Variants in TMEM182 observed in about 807,000 individuals in gnomAD.
TMEM182 encodes the protein transmembrane protein 182.
Under a neutral mutation model 26.8 loss-of-function variants are expected in TMEM182, and 20 were observed. The ratio of observed to expected loss-of-function variants is 0.75; its 90% CI spans 0.53 to 1.09. The LOEUF (loss-of-function observed/expected upper bound fraction) is 1.09, where lower values mean the gene tolerates loss of function less well. Ranked by LOEUF, TMEM182 falls within the 50% of genes least tolerant of loss-of-function variation. The pLI is 0.00. For missense variants in TMEM182, 277 were observed against 275.5 expected (o/e 1.01, Z -0.04); for synonymous variants, 109 against 102.2 (o/e 1.07, Z -0.40).
At chr2:102,763,334 GAATTA>G (rs1337512021) in intron 2 of TMEM182, among the ~76,000 whole-genome samples, 19 of 152,112 alleles carry the variant, frequency 1.2e-4, no homozygotes, top group African/African-American at 4.3e-4. Context: ...TCTTTATATT[GAATTA>G]ATCTTTGAAA....
At position 102,800,505 on chromosome 2, in the gene TMEM182, A is replaced by T. The variant is rs1253516711; in HGVS notation, c.469+2505A>T. 2.0e-5 allele frequency among the ~76,000 whole-genome samples: 3 copies of T among 152,246 alleles called. No homozygotes were observed. The East Asian group carries it at 5.8e-4, about 29-fold the overall frequency. On this transcript the variant is annotated intron_variant, in intron 4 of 4. Coordinates refer to ENST00000412401, the MANE Select transcript of TMEM182 (RefSeq NM_144632.5). Reference sequence around the variant, plus strand: ...ATCCTTATATCCCTTAAAACTGAGCATCTTCTTGGCCAAAAAAATTTTTCT... The same window carrying T: ...ATCCTTATATCCCTTAAAACTGAGCTTCTTCTTGGCCAAAAAAATTTTTCT...
chr2:102,801,923 A>G (rs1338485473), intron 4 of TMEM182, among the ~76,000 whole-genome samples: 1 of 152,016 alleles, frequency 6.6e-6, no homozygotes, highest in Non-Finnish European at 1.5e-5. Context: ...GCACAACTCT[A>G]CATTGTTTGT....
intron 3 of TMEM182, among the ~76,000 whole-genome samples, chr2:102,794,851 A>G (rs1201287860): frequency 6.6e-6 from 1 of 152,130 alleles, no homozygotes; most frequent in Non-Finnish European, 1.5e-5. Context: ...ACATTTGGAA[A>G]GTTTTCAGGC....
Position 102,743,055 on chromosome 2 carries a change from T to A in TMEM182, c.-83+6042T>A, listed in dbSNP as rs558490459. ...TATTATTAATTGATCTAAAAGATAATGGTTTGTTCAAAGTAATAATGTAAC... is the reference window on the plus strand; with the variant it reads ...TATTATTAATTGATCTAAAAGATAAAGGTTTGTTCAAAGTAATAATGTAAC... On this transcript the variant is annotated intron_variant, in intron 1 of 5. Coordinates refer to the TMEM182 transcript ENST00000409173. 3.9e-5 allele frequency among the ~76,000 whole-genome samples: 6 copies of A among 152,294 alleles called. 1 individual carries two copies. The East Asian group carries it at 1.2e-3, about 29-fold the overall frequency.
chr2:102,831,266 G>A (rs1423881968), intron 3 of TMEM182, among the ~76,000 whole-genome samples: 2 of 152,158 alleles, frequency 1.3e-5, no homozygotes, highest in Non-Finnish European at 2.9e-5. Context: ...TCTCCAAACT[G>A]TTCTCCCTAG....
At chr2:102,769,502 A>G (rs1680590963) in intron 3 of TMEM182, among the ~76,000 whole-genome samples, 2 of 152,264 alleles carry the variant, frequency 1.3e-5, no homozygotes, top group South Asian at 4.1e-4. Flanking sequence ...ATCCTTTTAT[A>G]TGCATATTAT....
At chr2:102,843,381 G>T (rs1683389018) in intron 3 of TMEM182, 1 of 152,144 alleles carries the variant, frequency 6.6e-6, no homozygotes, top group Non-Finnish European at 1.5e-5. Flanking sequence ...AAAACCAGGT[G>T]ACTCTTCTAA....
chr2:102,843,444 T>C (rs772588931), exon 4 of TMEM182: 13 of 152,212 alleles, frequency 8.5e-5, no homozygotes, highest in Non-Finnish European at 1.3e-4. Context: ...CTCAAGCCTC[T>C]CAAAGTCCTT....
At chr2:102,813,649 G>C (rs1682634162) in intron 4 of TMEM182, among the ~76,000 whole-genome samples, 1 of 152,206 alleles carries the variant, frequency 6.6e-6, no homozygotes, top group South Asian at 2.1e-4. Flanking sequence ...GCTCAGCGTA[G>C]TGGCATTGTT....
At chr2:102,840,839 T>G (rs897296486) in intron 3 of TMEM182, among the ~76,000 whole-genome samples, 12 of 152,242 alleles carry the variant, frequency 7.9e-5, no homozygotes, top group African/African-American at 2.9e-4. Flanking sequence ...AAATCTTCAA[T>G]TCACATTATA....
intron 3 of TMEM182, among the ~76,000 whole-genome samples, chr2:102,826,201 G>A (rs1223775182): frequency 6.6e-6 from 1 of 151,906 alleles, no homozygotes; most frequent in Non-Finnish European, 1.5e-5. Flanking sequence ...TGCATCTGAA[G>A]CCTACCCGGA....
At chr2:102,749,549 A>T (rs2104637489) in intron 1 of TMEM182, among the ~76,000 whole-genome samples, 1 of 152,308 alleles carries the variant, frequency 6.6e-6, no homozygotes. Context: ...AAAATCATTG[A>T]CTTCTATACT....
chr2:102,795,056 G>A (rs1681811656), intron 3 of TMEM182, among the ~76,000 whole-genome samples: 1 of 151,856 alleles, frequency 6.6e-6, no homozygotes, highest in Non-Finnish European at 1.5e-5. Context: ...CACTTACTCT[G>A]TCCTCTCTCA....
intron 4 of TMEM182, among the ~76,000 whole-genome samples, chr2:102,802,551 C>T (rs1298886761): frequency 6.6e-6 from 1 of 152,164 alleles, no homozygotes; most frequent in East Asian, 1.9e-4. Context: ...AACGTGGACT[C>T]ACAGAGAACT....
chr2:102,787,721 G>C (rs1047145669), intron 3 of TMEM182, among the ~76,000 whole-genome samples: 2 of 152,208 alleles, frequency 1.3e-5, no homozygotes, highest in Non-Finnish European at 2.9e-5. Context: ...AGATGCAGAG[G>C]GATCAGTGCC....
intron 3 of TMEM182, among the ~76,000 whole-genome samples, chr2:102,788,889 C>T (rs1272623326): frequency 1.3e-5 from 2 of 152,208 alleles, no homozygotes; most frequent in Non-Finnish European, 2.9e-5. Flanking sequence ...CTGGACTTTG[C>T]TTGGCATGTT....
chr2:102,815,179 A>T lies in TMEM182; in HGVS notation c.*211A>T. On this transcript the variant is annotated 3_prime_UTR_variant, in exon 5 of 5. Coordinates refer to ENST00000412401, the MANE Select transcript of TMEM182 (RefSeq NM_144632.5). ...CCTCTATCTTGTCTAAGTGCTGTCA[A>T]GGACCTAGTTCTTTAGGGAATAGGT... 2 of 1,384,168 alleles carry T rather than the reference A, an allele frequency of 1.4e-6. No individual in the cohort carries two copies. The highest frequency in any genetic ancestry group is 1.9e-6 in the Non-Finnish European group (2 of 1,072,538). 85.7% of individuals were successfully genotyped at this position (1,384,168 alleles called of 1,614,324 possible).
chr2:102,788,659 T>C (rs571928760), intron 3 of TMEM182, among the ~76,000 whole-genome samples: 1 of 152,156 alleles, frequency 6.6e-6, no homozygotes, highest in South Asian at 2.1e-4. Context: ...AACATGGGCA[T>C]GTTCTCAACC....
chr2:102,763,374 G>T (rs879433106), intron 2 of TMEM182, among the ~76,000 whole-genome samples: 1 of 151,954 alleles, frequency 6.6e-6, no homozygotes, highest in African/African-American at 2.4e-5. Context: ...AATAGCTAGC[G>T]CTTATTTCAT....
Sources: gnomAD v4.1 joint callset for allele counts (sites outside exome capture counted in the v4.1 genomes callset) on GRCh38, gnomAD v4.1.1 for gene constraint, MANE v1.5 for transcripts, NCBI Gene and HGNC (gene_info 2026-07-23, HGNC 2026-07-21) for gene names.